ARMH3: variants seen among roughly 807,000 people sequenced by gnomAD.
ARMH3 encodes armadillo like helical domain containing 3, also known as armadillo-like helical domain-containing protein 3.
A neutral mutation model predicts 99.1 loss-of-function variants in ARMH3; 60 were observed. The ratio of observed to expected loss-of-function variants is 0.61; its 90% CI spans 0.49 to 0.75. The LOEUF (loss-of-function observed/expected upper bound fraction) is 0.75, where lower values mean the gene tolerates loss of function less well. ARMH3 is among the 30% of genes least tolerant of loss of function. The pLI, the probability that ARMH3 is intolerant of heterozygous loss-of-function variation, is 0.00. For missense variants in ARMH3, 679 were observed against 843.1 expected (o/e 0.81, Z 2.41); for synonymous variants, 285 against 292.8 (o/e 0.97, Z 0.27).
At position 101,846,347 on chromosome 10, in the gene ARMH3, G is replaced by C. The variant is rs1204746677; in HGVS notation, c.*1181C>G. On this transcript the variant is annotated 3_prime_UTR_variant, in exon 26 of 26. Transcript: ENST00000370033. ...GTGGAGGGGAGCTCAGCAGAGGCAG[G>C]AGAGGCTGCCAGAGGAGGGGGGGCT... 2.0e-5 allele frequency: 3 copies of C among 152,124 alleles called. No individual in the cohort carries two copies. The highest frequency in any genetic ancestry group is 2.9e-5 in the Non-Finnish European group (2 of 68,044). 9.4% of individuals were successfully genotyped at this position (152,124 alleles called of 1,614,324 possible).
intron 23 of ARMH3, among the ~76,000 whole-genome samples, chr10:101,893,133 G>GAAC (rs1369708420): frequency 6.6e-6 from 1 of 152,156 alleles, no homozygotes; most frequent in African/African-American, 2.4e-5. Flanking sequence ...CAAGTTTAGA[G>GAAC]AACTGATAAT....
At chr10:102,045,747 T>G (rs949894903) in intron 1 of ARMH3, among the ~76,000 whole-genome samples, 2 of 151,998 alleles carry the variant, frequency 1.3e-5, no homozygotes, top group Admixed American at 6.6e-5. Flanking sequence ...CACATAGAAA[T>G]TTACAAGAGC....
At chr10:101,880,165 T>C (rs530060819) in intron 24 of ARMH3, among the ~76,000 whole-genome samples, 3 of 152,294 alleles carry the variant, frequency 2.0e-5, no homozygotes, top group East Asian at 1.9e-4. Flanking sequence ...CAGGCTGTTG[T>C]AGAAAAACAT....
chr10:101,924,731 T>C (rs1466984296), intron 23 of ARMH3, among the ~76,000 whole-genome samples: 1 of 152,096 alleles, frequency 6.6e-6, no homozygotes, highest in Admixed American at 6.5e-5. Context: ...TAGCGGCTCA[T>C]GCCTGTAATC....
intron 23 of ARMH3, among the ~76,000 whole-genome samples, chr10:101,923,178 A>G (rs1843369999): frequency 2.0e-5 from 3 of 152,196 alleles, no homozygotes; most frequent in Admixed American, 2.0e-4. Context: ...GAACAGCAAG[A>G]GACAGTTTAA....
At chr10:101,848,489 G>C (rs1460328601) in intron 25 of ARMH3, among the ~76,000 whole-genome samples, 1 of 149,468 alleles carries the variant, frequency 6.7e-6, no homozygotes, top group Non-Finnish European at 1.5e-5. Context: ...GAAACAAAAA[G>C]GGGAAGGAGG....
At chr10:101,994,869 T>G (rs941133140) in intron 16 of ARMH3, among the ~76,000 whole-genome samples, 5 of 152,166 alleles carry the variant, frequency 3.3e-5, no homozygotes, top group African/African-American at 1.2e-4. Context: ...AAACCCCATC[T>G]CTACTAAAAT....
intron 22 of ARMH3, among the ~76,000 whole-genome samples, chr10:101,944,700 G>A (rs1332004403): frequency 6.6e-6 from 1 of 151,998 alleles, no homozygotes; most frequent in Non-Finnish European, 1.5e-5. Flanking sequence ...TGTAATCTCA[G>A]CTACTCGGGA....
chr10:101,937,065 A>G (rs1049409283), intron 23 of ARMH3, among the ~76,000 whole-genome samples: 1 of 152,244 alleles, frequency 6.6e-6, no homozygotes, highest in Non-Finnish European at 1.5e-5. Context: ...GTAGAGACAA[A>G]AGAAAAAAAT....
At chr10:101,912,133 G>A (rs1023940133) in intron 23 of ARMH3, among the ~76,000 whole-genome samples, 1 of 152,086 alleles carries the variant, frequency 6.6e-6, no homozygotes, top group Non-Finnish European at 1.5e-5. Context: ...GGTGGCTCAC[G>A]CCTATAATCC....
At chr10:101,935,589 C>T (rs188250214) in intron 23 of ARMH3, among the ~76,000 whole-genome samples, 54 of 152,294 alleles carry the variant, frequency 3.5e-4, no homozygotes, top group Non-Finnish European at 6.2e-4. Flanking sequence ...GCACTGCATT[C>T]CAGATCTCAA....
rs1359698076 is a variant in ARMH3, at chr10:101,847,500, G to C, written c.*28C>G. The C allele has an allele frequency of 1.2e-6, 2 of 1,605,466 alleles. No individual in the cohort carries two copies. The highest frequency in any genetic ancestry group is 1.1e-5 in the South Asian group (1 of 90,928). ...CCCATGATCCTCATGGGTAAGGGCA[G>C]TCAGAGGCTGCTCAGGTAGGCGTGG... On this transcript the variant is annotated 3_prime_UTR_variant, in exon 26 of 26. Transcript: ENST00000370033.
intron 24 of ARMH3, among the ~76,000 whole-genome samples, chr10:101,887,730 G>A (rs561315944): frequency 6.6e-6 from 1 of 151,276 alleles, no homozygotes; most frequent in Non-Finnish European, 1.5e-5. Context: ...ACCGCACCCA[G>A]CAGGTATACA....
intron 15 of ARMH3, among the ~76,000 whole-genome samples, chr10:102,001,468 C>A (rs916937077): frequency 5.9e-5 from 9 of 152,280 alleles, no homozygotes; most frequent in African/African-American, 2.2e-4. Context: ...AACACTCAAT[C>A]CTCTCCCACT....
intron 20 of ARMH3, among the ~76,000 whole-genome samples, chr10:101,962,079 C>T (rs1397482557): frequency 1.3e-5 from 2 of 152,224 alleles, no homozygotes; most frequent in East Asian, 3.8e-4. Flanking sequence ...CGAAGCATGA[C>T]CTTATGGTAT....
At chr10:102,045,030 G>C (rs559439124) in intron 1 of ARMH3, among the ~76,000 whole-genome samples, 1 of 151,142 alleles carries the variant, frequency 6.6e-6, no homozygotes, top group African/African-American at 2.4e-5. Context: ...CAGATACTCG[G>C]GACGCTGAAA....
chr10:101,882,681 G>C (rs2067447384), intron 24 of ARMH3, among the ~76,000 whole-genome samples: 1 of 152,112 alleles, frequency 6.6e-6, no homozygotes, highest in Non-Finnish European at 1.5e-5. Flanking sequence ...TGTATTTTTA[G>C]TAGAGACAGG....
intron 24 of ARMH3, among the ~76,000 whole-genome samples, chr10:101,858,703 G>A (rs929377076): frequency 6.6e-6 from 1 of 152,262 alleles, no homozygotes; most frequent in Non-Finnish European, 1.5e-5. Flanking sequence ...TTTAGGGTTC[G>A]TGCATTAGCA....
chr10:102,025,374 G>A (rs2066978182), intron 5 of ARMH3, 126 bp from the exon 6 acceptor site: 1 of 677,046 alleles, frequency 1.5e-6, no homozygotes, highest in African/African-American at 1.8e-5. Flanking sequence ...ATTTCCTTAG[G>A]CCCAGAACTT....
Sources: allele counts gnomAD v4.1 joint callset (sites outside exome capture counted in the v4.1 genomes callset), GRCh38; gene constraint gnomAD v4.1.1; transcripts MANE v1.5; gene names NCBI Gene and HGNC (gene_info 2026-07-23, HGNC 2026-07-21).